The following USP32 variants were observed in gnomAD, a reference collection of about 807,000 sequenced individuals.
USP32 encodes the protein ubiquitin carboxyl-terminal hydrolase 32.
A neutral mutation model predicts 204.8 loss-of-function variants in USP32; 59 were observed. The ratio of observed to expected loss-of-function variants is 0.29; its 90% CI spans 0.23 to 0.36. The LOEUF (loss-of-function observed/expected upper bound fraction) is 0.36. Among genes scored for constraint, USP32 ranks in the 10% least tolerant of loss-of-function variants. USP32 has a pLI of 1.00. For missense variants in USP32, 1,160 were observed against 1,946.4 expected, an observed-to-expected ratio of 0.60 and a Z score of 7.60; for synonymous variants, 517 against 678.4, an observed-to-expected ratio of 0.76 and a Z score of 3.70.
chr17:60,384,503 C>T (rs564663435), intron 1 of USP32, among the ~76,000 whole-genome samples: 1 of 152,142 alleles, frequency 6.6e-6, no homozygotes, highest in Non-Finnish European at 1.5e-5. Context: ...TGATGAGCGC[C>T]GCCCTAGGCC....
intron 1 of USP32, among the ~76,000 whole-genome samples, chr17:60,368,719 T>C (rs2089368381): frequency 6.6e-6 from 1 of 152,154 alleles, no homozygotes; most frequent in Non-Finnish European, 1.5e-5. Context: ...CACTTCACAG[T>C]TGTCAGCAAT....
chr17:60,239,925 C>G (rs1485032422), intron 11 of USP32, among the ~76,000 whole-genome samples: 1 of 152,000 alleles, frequency 6.6e-6, no homozygotes, highest in Non-Finnish European at 1.5e-5. Context: ...TTAGTAGAGA[C>G]GGGGTTTTAC....
At chr17:60,386,364 TAAAA>T (rs72099332) in intron 1 of USP32, among the ~76,000 whole-genome samples, 15,104 of 133,980 alleles carry the variant, frequency 0.11, 1,389 homozygotes, top group African/African-American at 0.25. Flanking sequence ...GTTCATAAAT[TAAAA>T]AAAAAAAAAA....
chr17:60,206,971 A>G, intron 25 of USP32, 50 bp downstream of exon 25: 1 of 1,556,438 alleles, frequency 6.4e-7, no homozygotes, highest in Non-Finnish European at 8.6e-7. Flanking sequence ...CAACTCTTAG[A>G]CAAATATTTA....
At chr17:60,241,125 G>A (rs904973035) in intron 11 of USP32, among the ~76,000 whole-genome samples, 2 of 152,264 alleles carry the variant, frequency 1.3e-5, no homozygotes, top group African/African-American at 4.8e-5. Context: ...AGCCTCCCAA[G>A]TAGCTGGAAC....
chr17:60,259,721 T>C (rs147804103), intron 9 of USP32, among the ~76,000 whole-genome samples: 2 of 152,360 alleles, frequency 1.3e-5, no homozygotes, highest in Admixed American at 6.5e-5. Context: ...ATAATTTTCA[T>C]TTTGCAAATT....
intron 11 of USP32, among the ~76,000 whole-genome samples, chr17:60,246,885 T>C (rs1331796890): frequency 1.3e-5 from 2 of 152,234 alleles, no homozygotes; most frequent in African/African-American, 4.8e-5. Flanking sequence ...AATTGGGTTA[T>C]TTGGTTTTTT....
At chr17:60,228,542 G>A (rs928442120) in intron 12 of USP32, among the ~76,000 whole-genome samples, 5 of 147,494 alleles carry the variant, frequency 3.4e-5, no homozygotes, top group African/African-American at 1.3e-4. Flanking sequence ...TTTGGCCAGG[G>A]ATGGTGGCTC....
chr17:60,192,560 A>T (rs1487097262), intron 28 of USP32, among the ~76,000 whole-genome samples: 1 of 152,010 alleles, frequency 6.6e-6, no homozygotes, highest in Non-Finnish European at 1.5e-5. Flanking sequence ...TCAGTCTCCC[A>T]AGTAGCTGGG....
intron 18 of USP32, among the ~76,000 whole-genome samples, chr17:60,213,082 A>G (rs2085013969): frequency 1.3e-5 from 2 of 152,206 alleles, no homozygotes; most frequent in Non-Finnish European, 2.9e-5. Context: ...GCAGCTAACA[A>G]TGTTGCCACA....
chr17:60,356,733 A>G (rs1458092367), intron 1 of USP32, among the ~76,000 whole-genome samples: 1 of 152,206 alleles, frequency 6.6e-6, no homozygotes, highest in Non-Finnish European at 1.5e-5. Flanking sequence ...AGTACTTAAA[A>G]TGTCTCATTT....
chr17:60,311,084 G>C (rs949522180), intron 2 of USP32, among the ~76,000 whole-genome samples: 2 of 152,144 alleles, frequency 1.3e-5, no homozygotes, highest in Non-Finnish European at 2.9e-5. Context: ...TGTAGTGTTA[G>C]TAAGGTGATT....
intron 30 of USP32, among the ~76,000 whole-genome samples, chr17:60,184,232 A>G (rs1488671250): frequency 2.6e-5 from 4 of 151,166 alleles, no homozygotes; most frequent in South Asian, 2.1e-4. Flanking sequence ...GGAGAATGGC[A>G]TGAACCCAGG....
At chr17:60,386,672 A>G (rs2089737387) in intron 1 of USP32, among the ~76,000 whole-genome samples, 1 of 152,158 alleles carries the variant, frequency 6.6e-6, no homozygotes, top group Admixed American at 6.5e-5. Context: ...ACTAAGCACA[A>G]AGAGAGACAA....
intron 26 of USP32, among the ~76,000 whole-genome samples, chr17:60,203,796 C>T (rs1209641051): frequency 6.6e-6 from 1 of 152,114 alleles, no homozygotes; most frequent in South Asian, 2.1e-4. Context: ...AGGCTGGTCT[C>T]GAACTCCTGA....
intron 12 of USP32, among the ~76,000 whole-genome samples, chr17:60,234,408 C>T (rs2085659779): frequency 6.6e-6 from 1 of 150,830 alleles, no homozygotes; most frequent in Admixed American, 6.6e-5. Flanking sequence ...CCACCACACC[C>T]GGCTCAAGCA....
At chr17:60,227,271 CTT>C (rs376585619) in intron 12 of USP32, among the ~76,000 whole-genome samples, 10 of 122,846 alleles carry the variant, frequency 8.1e-5, no homozygotes, top group East Asian at 2.2e-4. Flanking sequence ...TTCTTTTTTT[CTT>C]TTTTTTTTTT....
intron 1 of USP32, among the ~76,000 whole-genome samples, chr17:60,390,738 T>G (rs562237398): frequency 1.2e-4 from 19 of 152,296 alleles, no homozygotes; most frequent in African/African-American, 4.6e-4. Context: ...TAATTACCAT[T>G]TTATATCCTT....
intron 5 of USP32, among the ~76,000 whole-genome samples, chr17:60,276,946 C>CATATATATATATAT (rs35211470): frequency 2.5e-4 from 35 of 140,754 alleles, no homozygotes; most frequent in African/African-American, 9.2e-4. Flanking sequence ...ATTACATATA[C>CATATATATATATAT]ATATATATAT....
Sources: allele counts gnomAD v4.1 joint callset (sites outside exome capture counted in the v4.1 genomes callset), GRCh38; gene constraint gnomAD v4.1.1; transcripts MANE v1.5; gene names NCBI Gene and HGNC (gene_info 2026-07-23, HGNC 2026-07-21).